The following ZNF609 variants were observed in gnomAD, a reference collection of about 807,000 sequenced individuals.
The protein encoded by ZNF609 is zinc finger protein 609.
ZNF609 carries 11 observed loss-of-function variants against 109.5 expected under a neutral mutation model. That is an observed-to-expected ratio of 0.10 (90% confidence interval 0.06 to 0.17). The LOEUF (loss-of-function observed/expected upper bound fraction) is 0.17, where lower values mean the gene tolerates loss of function less well. ZNF609 is among the 10% of genes least tolerant of loss of function. ZNF609 has a pLI of 1.00. For synonymous variants in ZNF609, 646 were observed against 662.0 expected (o/e 0.98, Z 0.37); for missense variants, 1,559 against 1,772.4 (o/e 0.88, Z 2.16).
chr15:64,626,385 G>A (rs546872872), intron 3 of ZNF609, among the ~76,000 whole-genome samples: 2 of 152,244 alleles, frequency 1.3e-5, no homozygotes, highest in South Asian at 2.1e-4. Flanking sequence ...CCAGGATACC[G>A]AGTCAGTCCT....
intron 2 of ZNF609, among the ~76,000 whole-genome samples, chr15:64,594,365 C>T (rs1895354853): frequency 6.6e-6 from 1 of 150,770 alleles, no homozygotes; most frequent in South Asian, 2.1e-4. Context: ...CGGGGTCTCA[C>T]TCTGTCACCC....
intron 2 of ZNF609, among the ~76,000 whole-genome samples, chr15:64,600,749 CCT>C (rs1190307484): frequency 2.0e-5 from 3 of 151,784 alleles, no homozygotes; most frequent in Non-Finnish European, 4.4e-5. Flanking sequence ...AAATTAATGG[CCT>C]CTCTTAATTT....
chr15:64,680,111 C>T, intron 6 of ZNF609, 74 bp from the exon 7 acceptor site: 1 of 1,514,452 alleles, frequency 6.6e-7, no homozygotes, highest in Non-Finnish European at 9.1e-7. Context: ...TGATGCCCAC[C>T]CAATCAAGCT....
rs35508980 is a variant in ZNF609, at chr15:64,484,675, C to CAAAA, written c.-127-14602_-127-14599dup. Among the ~76,000 whole-genome samples the CAAAA allele has an allele frequency of 8.6e-5, 6 of 69,928 alleles. 1 individual carries two copies. Among genetic ancestry groups the CAAAA allele is most frequent in the African/African-American group, 3.2e-4 (5 of 15,770 alleles). The allele number at this position is 69,928 out of a possible 152,430, so 45.9% of individuals were successfully genotyped here. A position where few individuals can be genotyped will look rare whatever the true frequency, so the allele number is the denominator to read the frequency against. ...TGGGCAACAGGGTGAGACTCTGTCT[C>CAAAA]AAAAAAAAAAAAAAAAAAAGCTGGA... On this transcript the variant is annotated intron_variant, in intron 1 of 9. Transcript: ENST00000326648.
chr15:64,621,272 A>G (rs1895871477), intron 2 of ZNF609, among the ~76,000 whole-genome samples: 1 of 152,156 alleles, frequency 6.6e-6, no homozygotes, highest in Admixed American at 6.5e-5. Context: ...GGCATCAATC[A>G]CTCGAGCATA....
At chr15:64,529,463 T>C in intron 2 of ZNF609, 1 of 1,011,164 alleles carries the variant, frequency 9.9e-7, no homozygotes, top group South Asian at 1.3e-5. Flanking sequence ...GGGTTTCCAT[T>C]GATGACAAGC....
At chr15:64,678,625 T>C (rs1896840216) in intron 6 of ZNF609, 143 bp downstream of exon 6, 1 of 1,184,770 alleles carries the variant, frequency 8.4e-7, no homozygotes, top group East Asian at 2.6e-5. Context: ...AGTCATTCTG[T>C]GAGGTGGCCA....
At chr15:64,503,434 A>G (rs533859627) in intron 2 of ZNF609, among the ~76,000 whole-genome samples, 6 of 152,180 alleles carry the variant, frequency 3.9e-5, no homozygotes, top group Non-Finnish European at 8.8e-5. Flanking sequence ...TAAGTTAGGG[A>G]TGGAAGGGGA....
At chr15:64,637,776 G>A (rs1366564354) in intron 3 of ZNF609, among the ~76,000 whole-genome samples, 1 of 151,576 alleles carries the variant, frequency 6.6e-6, no homozygotes, top group African/African-American at 2.4e-5. Flanking sequence ...TGCATATTCT[G>A]GTTATTAGTC....
intron 2 of ZNF609, among the ~76,000 whole-genome samples, chr15:64,584,425 C>G (rs1895161744): frequency 6.6e-6 from 1 of 152,110 alleles, no homozygotes; most frequent in African/African-American, 2.4e-5. Context: ...CTCAGCCTCC[C>G]AAGAAGCTGG....
At chr15:64,584,467 A>AT (rs1006991531) in intron 2 of ZNF609, among the ~76,000 whole-genome samples, 1 of 151,662 alleles carries the variant, frequency 6.6e-6, no homozygotes, top group Non-Finnish European at 1.5e-5. Flanking sequence ...TCCCTGGCTC[A>AT]TTTTTGTATT....
Position 64,476,814 on chromosome 15 carries a change from G to C in ZNF609, c.-128+15976G>C, listed in dbSNP as rs138212404. Among the ~76,000 whole-genome samples the C allele has an allele frequency of 2.4e-3, 362 of 152,278 alleles. 3 individuals are homozygous for C. The highest frequency in any genetic ancestry group is 8.2e-3 in the African/African-American group (341 of 41,554). On this transcript the variant is annotated intron_variant, in intron 1 of 9. Transcript: ENST00000326648. ...GTTGCCTGGAGTGATGGGTGAGGTAGGCCTCTGACTTTTTTCCTTCCTCAA... is the reference window on the plus strand; with the variant it reads ...GTTGCCTGGAGTGATGGGTGAGGTACGCCTCTGACTTTTTTCCTTCCTCAA...
chr15:64,474,216 CTT>C (rs574928157), intron 1 of ZNF609, among the ~76,000 whole-genome samples: 4 of 142,426 alleles, frequency 2.8e-5, no homozygotes, highest in Non-Finnish European at 6.2e-5. Context: ...CCTAGCCTCA[CTT>C]TTTTTTTTTT....
chr15:64,618,391 A>T (rs1215889816), intron 2 of ZNF609, among the ~76,000 whole-genome samples: 1 of 152,120 alleles, frequency 6.6e-6, no homozygotes, highest in Admixed American at 6.6e-5. Context: ...GAATGCTTAC[A>T]TCTGAAGCCC....
chr15:64,630,985 T>C (rs1567034557), intron 3 of ZNF609: 1 of 233,404 alleles, frequency 4.3e-6, no homozygotes, highest in Non-Finnish European at 8.5e-6. Context: ...AGACATTACA[T>C]AATGAATTAG....
At chr15:64,466,206 G>T (rs969563604) in intron 1 of ZNF609, among the ~76,000 whole-genome samples, 1 of 150,228 alleles carries the variant, frequency 6.7e-6, no homozygotes, top group Non-Finnish European at 1.5e-5. Context: ...TGAAAATTCA[G>T]ATTTTTTAAT....
At chr15:64,658,469 T>A (rs1377409794) in intron 3 of ZNF609, among the ~76,000 whole-genome samples, 1 of 152,106 alleles carries the variant, frequency 6.6e-6, no homozygotes, top group African/African-American at 2.4e-5. Flanking sequence ...AGTGCTGGGA[T>A]TACAGGTGTG....
At chr15:64,466,918 C>T (rs769466785) in intron 1 of ZNF609, among the ~76,000 whole-genome samples, 8 of 152,144 alleles carry the variant, frequency 5.3e-5, no homozygotes, top group Non-Finnish European at 1.2e-4. Context: ...ACCTCCTTCT[C>T]TCTCACCCCT....
chr15:64,469,045 AAAAAAAAAAAACAAC>A (rs1291676289), intron 1 of ZNF609, among the ~76,000 whole-genome samples: 5 of 141,140 alleles, frequency 3.5e-5, no homozygotes, highest in Non-Finnish European at 7.8e-5. Context: ...TTAAAAAAAA[AAAAAAAAAAAACAAC>A]ACAATTCAGC....
Sources: allele counts gnomAD v4.1 joint callset (sites outside exome capture counted in the v4.1 genomes callset), GRCh38; gene constraint gnomAD v4.1.1; transcripts MANE v1.5; gene names NCBI Gene and HGNC (gene_info 2026-07-23, HGNC 2026-07-21).